Variants in NFAT5 observed in about 807,000 individuals in gnomAD.
NFAT5 encodes the protein nuclear factor of activated T cells 5, also known as nuclear factor of activated T-cells 5.
Under a neutral mutation model 166.5 loss-of-function variants are expected in NFAT5, and 31 were observed. That is an observed-to-expected ratio of 0.19 (90% confidence interval 0.14 to 0.25). The LOEUF is 0.25. NFAT5 is among the 10% of genes least tolerant of loss of function. The pLI, the probability that NFAT5 is intolerant of heterozygous loss-of-function variation, is 1.00. For synonymous variants in NFAT5, 612 were observed against 639.7 expected, an observed-to-expected ratio of 0.96 and a Z score of 0.65; for missense variants, 1,449 against 1,821.8, an observed-to-expected ratio of 0.80 and a Z score of 3.72.
At chr16:69,643,973 A>T (rs2035327179) in intron 3 of NFAT5, among the ~76,000 whole-genome samples, 1 of 152,184 alleles carries the variant, frequency 6.6e-6, no homozygotes, top group Non-Finnish European at 1.5e-5. Flanking sequence ...TCATCATCAG[A>T]GGATCAATAG....
intron 14 of NFAT5, 23 bp from the exon 15 acceptor site, chr16:69,696,332 GTTAAA>G: frequency 2.0e-5 from 3 of 152,420 alleles, no homozygotes; most frequent in Admixed American, 2.0e-4. Context: ...TCCCTAGTAA[GTTAAA>G]TTAAACTTTT....
At chr16:69,652,322 C>T (rs2035704001) in intron 4 of NFAT5, among the ~76,000 whole-genome samples, 1 of 151,876 alleles carries the variant, frequency 6.6e-6, no homozygotes, top group African/African-American at 2.4e-5. Flanking sequence ...CTTGGTGGCA[C>T]ACGCCTGTAA....
intron 9 of NFAT5, among the ~76,000 whole-genome samples, chr16:69,672,267 A>G (rs895595289): frequency 2.0e-5 from 3 of 152,230 alleles, no homozygotes; most frequent in South Asian, 2.1e-4. Context: ...CCATTGGGCA[A>G]TATCTCCTAG....
In NFAT5 at chr16:69,692,230, C is replaced by T; in HGVS notation, c.2405C>T (p.Thr802Ile). The T allele has an allele frequency of 6.2e-7, 1 of 1,614,204 alleles. No homozygotes were observed. Residue 802 changes from threonine to isoleucine, a missense_variant, in exon 13 of 15, where the codon ACA becomes ATA. By Grantham distance (89) the Thr-to-Ile change is moderately conservative. This residue lies in a region of NFAT5 where 891 missense variants were observed against 993.0 expected (regional missense o/e 0.90). Transcript: ENST00000349945. ...TIQQLQAGSF[T>I]GSTASGSSGS... Reference sequence around the variant, plus strand: ...CAGCAGCTGCAAGCAGGGAGTTTCACAGGCAGTACTGCTAGTGGCAGCAGT... The same window carrying T: ...CAGCAGCTGCAAGCAGGGAGTTTCATAGGCAGTACTGCTAGTGGCAGCAGT...
chr16:69,568,424 A>T (rs1030045913), intron 1 of NFAT5, 71 bp from the exon 2 acceptor site: 1 of 1,028,798 alleles, frequency 9.7e-7, no homozygotes, highest in Non-Finnish European at 1.5e-6. Flanking sequence ...TATATAAGAG[A>T]TGTATGCTAT....
intron 1 of NFAT5, among the ~76,000 whole-genome samples, chr16:69,567,387 T>C (rs1301464665): frequency 6.6e-6 from 1 of 152,166 alleles, no homozygotes; most frequent in Non-Finnish European, 1.5e-5. Context: ...ACCAAAATAT[T>C]CCCACTGCGC....
In NFAT5 at chr16:69,696,960, A is replaced by G. The variant is rs1311401034; in HGVS notation, c.*609A>G. The G allele has an allele frequency of 6.6e-6, 1 of 152,652 alleles. No individual in the cohort carries two copies. Among genetic ancestry groups the G allele is most frequent in the East Asian group, 1.9e-4 (1 of 5,200 alleles). The allele number at this position is 152,652 out of a possible 1,614,324, so 9.5% of individuals were successfully genotyped here. A position where few individuals can be genotyped will look rare whatever the true frequency, so the allele number is the denominator to read the frequency against. On this transcript the variant is annotated 3_prime_UTR_variant, in exon 15 of 15. Coordinates refer to ENST00000349945, the MANE Select transcript of NFAT5 (RefSeq NM_138713.4). Reference sequence around the variant, plus strand: ...TAACACAAAGGCAGATGATACACTTATAAAACTGGGAACAGCTGGAATGCT... The same window carrying G: ...TAACACAAAGGCAGATGATACACTTGTAAAACTGGGAACAGCTGGAATGCT...
chr16:69,581,104 C>T (rs1432413106), intron 2 of NFAT5, among the ~76,000 whole-genome samples: 1 of 152,044 alleles, frequency 6.6e-6, no homozygotes, highest in East Asian at 1.9e-4. Flanking sequence ...TGCAGTGGTG[C>T]GATCCTGGCT....
rs2037818129 is a variant in NFAT5, at chr16:69,698,029, CT to C, written c.*1683del. 3 of 137,114 alleles carry C rather than the reference CT, an allele frequency of 2.2e-5. No individual in the cohort carries two copies. In the South Asian group the frequency reaches 6.9e-4, roughly 31 times the overall value. 8.5% of individuals were successfully genotyped at this position (137,114 alleles called of 1,614,324 possible). A position where few individuals can be genotyped will look rare whatever the true frequency, so the allele number is the denominator to read the frequency against. ...TGTTTACACAGCCAGATTTTTCCTT[CT>C]TTTTGTTTTGTGATGATCTTCCTTT... is the stretch of plus-strand genomic sequence containing the variant. On this transcript the variant is annotated 3_prime_UTR_variant, in exon 15 of 15. Transcript: ENST00000349945.
At position 69,624,460 on chromosome 16, in the gene NFAT5, G is replaced by A. The variant is rs57195254; in HGVS notation, c.128-1943G>A. On this transcript the variant is annotated intron_variant, in intron 2 of 14. Transcript: ENST00000349945. ...GACCTCAAGTGATCCTCCCGCCTCGGCCTCCCAGTGTTGGGATTACAGGTG... is the reference window on the plus strand; with the variant it reads ...GACCTCAAGTGATCCTCCCGCCTCGACCTCCCAGTGTTGGGATTACAGGTG... Among the ~76,000 whole-genome samples the A allele has an allele frequency of 1.2e-3, 179 of 152,248 alleles. 1 individual carries two copies. The highest frequency in any genetic ancestry group is 2.2e-3 in the Non-Finnish European group (151 of 68,016).
chr16:69,687,655 G>C (rs1459193405), intron 11 of NFAT5, among the ~76,000 whole-genome samples: 1 of 152,120 alleles, frequency 6.6e-6, no homozygotes, highest in East Asian at 1.9e-4. Context: ...TTCCAGAAAG[G>C]GGGAGAAGAT....
At chr16:69,662,483 G>C (rs1309708743) in intron 7 of NFAT5, among the ~76,000 whole-genome samples, 1 of 123,976 alleles carries the variant, frequency 8.1e-6, no homozygotes, top group East Asian at 2.4e-4. Context: ...TTGAGACGGA[G>C]TCTCGCTCTG....
At chr16:69,588,739 G>GA in intron 2 of NFAT5, among the ~76,000 whole-genome samples, 1 of 152,238 alleles carries the variant, frequency 6.6e-6, no homozygotes, top group Non-Finnish European at 1.5e-5. Flanking sequence ...AAATGAAACA[G>GA]AAAAAGTGAA....
intron 2 of NFAT5, among the ~76,000 whole-genome samples, chr16:69,572,218 G>A (rs2016485254): frequency 6.6e-6 from 1 of 152,078 alleles, no homozygotes; most frequent in Non-Finnish European, 1.5e-5. Context: ...AAAGGGTCCT[G>A]GCTAATTAAT....
chr16:69,686,243 C>T (rs1184508768), intron 11 of NFAT5, among the ~76,000 whole-genome samples: 2 of 151,938 alleles, frequency 1.3e-5, no homozygotes, highest in Non-Finnish European at 2.9e-5. Context: ...ATCCCAGCTA[C>T]TCTGGAGGCT....
chr16:69,697,297 T>C lies in NFAT5; in HGVS notation c.*946T>C, dbSNP rs972474583. 1.3e-5 allele frequency: 2 copies of C among 152,208 alleles called. No homozygotes were observed. The highest frequency in any genetic ancestry group is 4.8e-5 in the African/African-American group (2 of 41,426). The allele number at this position is 152,208 out of a possible 1,614,324, so 9.4% of individuals were successfully genotyped here. On this transcript the variant is annotated 3_prime_UTR_variant, in exon 15 of 15. Transcript: ENST00000349945. ...GACCCTGTAGCATCTTTGGCCACTTTAATCTAGGGTGACCTAGCAATCCTG... is the reference window on the plus strand; with the variant it reads ...GACCCTGTAGCATCTTTGGCCACTTCAATCTAGGGTGACCTAGCAATCCTG...
At chr16:69,637,333 C>T (rs1362453890) in intron 3 of NFAT5, among the ~76,000 whole-genome samples, 10 of 152,348 alleles carry the variant, frequency 6.6e-5, no homozygotes, top group Non-Finnish European at 1.5e-4. Context: ...CTGTTCCAAA[C>T]TCTGCCTGTT....
At chr16:69,641,280 A>C (rs1339683054) in intron 3 of NFAT5, among the ~76,000 whole-genome samples, 1 of 111,220 alleles carries the variant, frequency 9.0e-6, no homozygotes, top group East Asian at 2.7e-4. Context: ...TCCGTCTCAA[A>C]AAAAAAAAAA....
chr16:69,571,349 C>T (rs193236323), intron 2 of NFAT5, among the ~76,000 whole-genome samples: 12 of 151,812 alleles, frequency 7.9e-5, no homozygotes, highest in East Asian at 5.8e-4. Flanking sequence ...AAGAACTCAG[C>T]GAATTCTCCT....
Sources: gnomAD v4.1 joint callset for allele counts (sites outside exome capture counted in the v4.1 genomes callset) on GRCh38, gnomAD v4.1.1 for gene constraint, gnomAD v4.1.1 regional missense constraint, MANE v1.5 for transcripts, NCBI Gene and HGNC (gene_info 2026-07-23, HGNC 2026-07-21) for gene names.